The following TOX2 variants were observed in gnomAD, a reference collection of about 807,000 sequenced individuals.
TOX2 encodes TOX high mobility group box family member 2.
A neutral mutation model predicts 47.4 loss-of-function variants in TOX2; 15 were observed. That is an observed-to-expected ratio of 0.32 (90% CI 0.21 to 0.49). TOX2 has a LOEUF of 0.49. Among genes scored for constraint, TOX2 ranks in the 20% least tolerant of loss-of-function variants. TOX2 has a pLI of 0.99. For missense variants in TOX2, 622 were observed against 673.1 expected (o/e 0.92, Z 0.84); for synonymous variants, 290 against 296.6 (o/e 0.98, Z 0.23).
At chr20:44,018,063 G>A (rs930209967) in intron 3 of TOX2, among the ~76,000 whole-genome samples, 1 of 152,174 alleles carries the variant, frequency 6.6e-6, no homozygotes, top group African/African-American at 2.4e-5. Context: ...TGAGCTCAGG[G>A]GACTGTCCCG....
intron 7 of TOX2, among the ~76,000 whole-genome samples, chr20:44,066,402 AC>A: frequency 6.6e-6 from 1 of 151,898 alleles, no homozygotes; most frequent in South Asian, 2.1e-4. Flanking sequence ...TCGAGACCTT[AC>A]CCCCGCTAAT....
intron 1 of TOX2, among the ~76,000 whole-genome samples, chr20:43,960,958 G>A (rs889389507): frequency 6.6e-6 from 1 of 152,232 alleles, no homozygotes; most frequent in African/African-American, 2.4e-5. Context: ...CCTAGAAAGG[G>A]GGAGGCCTTT....
In TOX2 at chr20:44,029,159, C is replaced by T. The variant is rs529269003; in HGVS notation, c.412-22147C>T. Among the ~76,000 whole-genome samples the T allele has an allele frequency of 4.5e-4, 69 of 152,386 alleles. 1 individual carries two copies. In the South Asian group the frequency reaches 0.014, roughly 31 times the overall value. On this transcript the variant is annotated intron_variant, in intron 3 of 8. Coordinates refer to ENST00000341197, the MANE Select transcript of TOX2 (RefSeq NM_001098797.2). ...CTGAACAGCAAGCCTCGCCCTCCAG[C>T]TCCGCTTCCATCACAGCAGTTCTGT...
intron 1 of TOX2, among the ~76,000 whole-genome samples, chr20:43,956,689 CTG>C (rs1184152981): frequency 1.3e-5 from 2 of 152,164 alleles, no homozygotes; most frequent in East Asian, 3.8e-4. Context: ...CTCTGGCTAG[CTG>C]TGTCTGCCTA....
chr20:44,045,582 A>C (rs752436438), intron 3 of TOX2, among the ~76,000 whole-genome samples: 19 of 152,200 alleles, frequency 1.2e-4, no homozygotes, highest in Admixed American at 3.3e-4. Context: ...CAATATACTG[A>C]GTGTTGCCAG....
intron 4 of TOX2, among the ~76,000 whole-genome samples, chr20:44,053,461 CACACACACACAT>C (rs2071553779): frequency 6.7e-6 from 1 of 148,602 alleles, no homozygotes; most frequent in African/African-American, 2.6e-5. Context: ...CACACACACA[CACACACACACAT>C]ATATATATAC....
intron 1 of TOX2, among the ~76,000 whole-genome samples, chr20:43,949,625 C>T (rs1000164552): frequency 6.6e-6 from 1 of 152,232 alleles, no homozygotes; most frequent in Non-Finnish European, 1.5e-5. Context: ...GCTATTGTGC[C>T]TCTTAATTTT....
At chr20:44,013,775 G>A (rs2070823936) in intron 3 of TOX2, among the ~76,000 whole-genome samples, 1 of 152,074 alleles carries the variant, frequency 6.6e-6, no homozygotes, top group South Asian at 2.1e-4. Flanking sequence ...GCAGTGCTTG[G>A]CCCAGGGTCA....
chr20:44,004,828 T>G (rs1272335409), intron 2 of TOX2, among the ~76,000 whole-genome samples: 1 of 152,254 alleles, frequency 6.6e-6, no homozygotes, highest in East Asian at 1.9e-4. Context: ...GTGTTATTTC[T>G]TACATGCTAT....
At chr20:44,042,346 G>A (rs116731718) in intron 3 of TOX2, among the ~76,000 whole-genome samples, 2,014 of 152,338 alleles carry the variant, frequency 0.013, 43 homozygotes, top group African/African-American at 0.046. Flanking sequence ...GATGAGATTT[G>A]AGTGTGAAAC....
At chr20:44,016,021 G>A (rs1259554904) in intron 3 of TOX2, among the ~76,000 whole-genome samples, 5 of 151,978 alleles carry the variant, frequency 3.3e-5, no homozygotes, top group Non-Finnish European at 5.9e-5. Flanking sequence ...AAGAAAGGTC[G>A]GAAAGGAACA....
intron 1 of TOX2, among the ~76,000 whole-genome samples, chr20:43,927,683 T>TCCTTCCTTCCTTCCTTC (rs1569003731): frequency 1.1e-5 from 1 of 90,714 alleles, no homozygotes; most frequent in Admixed American, 1.2e-4. Context: ...CTTTCTTCCT[T>TCCTTCCTTCCTTCCTTC]CCTTCCCTTC....
rs191379159 is a variant in TOX2 at position 44,006,574 on chromosome 20, G to A, written c.193G>A (p.Glu65Lys). The A allele has an allele frequency of 1.9e-5, 30 of 1,613,726 alleles. 1 individual carries two copies. The highest frequency in any genetic ancestry group is 7.7e-5 in the South Asian group (7 of 91,060). The change falls in exon 3 of 9, where the codon GAA (glutamate) becomes AAA (lysine). Residue 65 changes from glutamate to lysine, a missense_variant. This residue lies in a region of TOX2 where 307 missense variants were observed against 327.3 expected (regional missense o/e 0.94). Coordinates refer to ENST00000341197, the MANE Select transcript of TOX2 (RefSeq NM_001098797.2). The stretch of plus-strand genomic sequence containing the variant: ...CTACAACGGCCAGAGCGAGAACAAC[G>A]AAGACTATGAGATCCCCCCGATAAC... Reference protein sequence around the residue: ...QTYNGQSENNEDYEIPPITPP... With the variant: ...QTYNGQSENNKDYEIPPITPP...
Position 43,994,909 on chromosome 20 carries a change from C to A in TOX2, c.166-11638C>A, listed in dbSNP as rs548361451. On this transcript the variant is annotated intron_variant, in intron 2 of 8. Coordinates refer to ENST00000341197, the MANE Select transcript of TOX2 (RefSeq NM_001098797.2). ...AGGAACAGCCACAGAGCAGCCGTGG[C>A]TGGCAGCGTGGCACACTGCCGGTGG... Among the ~76,000 whole-genome samples the A allele has an allele frequency of 6.6e-5, 10 of 152,292 alleles. No individual in the cohort carries two copies. The East Asian group carries it at 1.9e-3, about 29-fold the overall frequency.
At chr20:43,977,561 C>T (rs971240255) in intron 2 of TOX2, among the ~76,000 whole-genome samples, 5 of 152,120 alleles carry the variant, frequency 3.3e-5, no homozygotes, top group African/African-American at 7.2e-5. Context: ...CTTTCACCGC[C>T]GCTCTACGGG....
intron 5 of TOX2, among the ~76,000 whole-genome samples, chr20:44,056,642 A>AT (rs1356354858): frequency 1.3e-5 from 2 of 152,094 alleles, no homozygotes; most frequent in Non-Finnish European, 2.9e-5. Flanking sequence ...GCATATATTT[A>AT]TTTCCATCCG....
At position 44,051,762 on chromosome 20, in the gene TOX2, C is replaced by T. The variant is rs542234243; in HGVS notation, c.651+217C>T. On this transcript the variant is annotated intron_variant, in intron 4 of 8. Transcript: ENST00000341197. ...GTTTTCTGTTAAGACCCCCAGGCCA[C>T]GCTGGAAGCCAAGGAAAAAGCACAT... Among the ~76,000 whole-genome samples, 54 of 152,334 alleles carry T rather than the reference C, an allele frequency of 3.5e-4. No individual in the cohort carries two copies. In the South Asian group the frequency reaches 4.4e-3, roughly 12 times the overall value.
chr20:43,951,819 C>T (rs2069579311), intron 1 of TOX2, among the ~76,000 whole-genome samples: 1 of 149,136 alleles, frequency 6.7e-6, no homozygotes, highest in Non-Finnish European at 1.5e-5. Flanking sequence ...TCAAGCACTC[C>T]TCCCATCTTA....
intron 3 of TOX2, among the ~76,000 whole-genome samples, chr20:44,035,149 C>T (rs2071219138): frequency 6.6e-6 from 1 of 152,268 alleles, no homozygotes; most frequent in South Asian, 2.1e-4. Flanking sequence ...TCTCCTCTCT[C>T]AACTGCCTCA....
Sources: gnomAD v4.1 joint callset for allele counts (sites outside exome capture counted in the v4.1 genomes callset) on GRCh38, gnomAD v4.1.1 for gene constraint, gnomAD v4.1.1 regional missense constraint, MANE v1.5 for transcripts, NCBI Gene and HGNC (gene_info 2026-07-23, HGNC 2026-07-21) for gene names.